DLGAP2: variants seen among roughly 807,000 people sequenced by gnomAD.
DLGAP2 encodes disks large-associated protein 2.
A neutral mutation model predicts 100.3 loss-of-function variants in DLGAP2; 26 were observed. The observed-to-expected ratio is 0.26, with a 90% confidence interval of 0.19 to 0.36. The LOEUF (loss-of-function observed/expected upper bound fraction) is 0.36. Ranked by LOEUF, DLGAP2 falls within the 10% of genes least tolerant of loss-of-function variation. The probability of loss-of-function intolerance (pLI) is 1.00; values close to 1 mark genes in which losing one functional copy is unlikely to be tolerated. For missense variants in DLGAP2, 1,858 were observed against 1,453.2 expected (o/e 1.28, Z -4.53); for synonymous variants, 886 against 630.1 (o/e 1.41, Z -6.08).
At chr8:984,751 A>G (rs2129015182) in intron 2 of DLGAP2, among the ~76,000 whole-genome samples, 1 of 152,286 alleles carries the variant, frequency 6.6e-6, no homozygotes, top group South Asian at 2.1e-4. Flanking sequence ...TACATTTTTA[A>G]TTATTTAGAA....
intron 2 of DLGAP2, among the ~76,000 whole-genome samples, chr8:1,244,941 G>A (rs905098115): frequency 6.6e-6 from 1 of 152,232 alleles, no homozygotes; most frequent in African/African-American, 2.4e-5. Flanking sequence ...AGCCGAGAAA[G>A]GGATGGGCAG....
chr8:1,106,269 T>C (rs2129044775), intron 2 of DLGAP2, among the ~76,000 whole-genome samples: 2 of 150,546 alleles, frequency 1.3e-5, no homozygotes, highest in South Asian at 4.2e-4. Flanking sequence ...GAGGGCATTC[T>C]AGGAGGGTTT....
At chr8:1,502,978 C>T (rs1799775688) in intron 4 of DLGAP2, among the ~76,000 whole-genome samples, 1 of 152,116 alleles carries the variant, frequency 6.6e-6, no homozygotes, top group African/African-American at 2.4e-5. Flanking sequence ...GTGCAGGAGT[C>T]ACTCTGGGGA....
intron 2 of DLGAP2, among the ~76,000 whole-genome samples, chr8:1,080,109 T>C (rs1803753114): frequency 6.6e-6 from 1 of 152,216 alleles, no homozygotes; most frequent in South Asian, 2.1e-4. Flanking sequence ...CTCCCAGCCA[T>C]GTGGCCGTGC....
intron 4 of DLGAP2, among the ~76,000 whole-genome samples, chr8:1,510,425 G>A (rs75670453): frequency 0.027 from 4,052 of 152,292 alleles, 67 homozygotes; most frequent in Middle Eastern, 0.034. Flanking sequence ...GCTGAGAAAC[G>A]TCATCAGTTT....
chr8:1,096,077 G>A (rs571090107), intron 2 of DLGAP2, among the ~76,000 whole-genome samples: 53 of 152,330 alleles, frequency 3.5e-4, no homozygotes, highest in Admixed American at 8.5e-4. Flanking sequence ...GTTCAGAGAT[G>A]ACGTTGCCCT....
chr8:1,165,175 A>C (rs1320074994), intron 2 of DLGAP2, among the ~76,000 whole-genome samples: 23 of 33,688 alleles, frequency 6.8e-4, no homozygotes, highest in African/African-American at 2.6e-3. Flanking sequence ...ACAGAGAGAG[A>C]GGGAGGGTGG....
chr8:1,212,295 C>G (rs1431271789), intron 2 of DLGAP2, among the ~76,000 whole-genome samples: 1 of 152,202 alleles, frequency 6.6e-6, no homozygotes, highest in Non-Finnish European at 1.5e-5. Flanking sequence ...GCTTTCAGTT[C>G]TAAGGGAAGA....
At chr8:1,552,825 A>AT (rs1245535799) in intron 5 of DLGAP2, among the ~76,000 whole-genome samples, 6 of 152,118 alleles carry the variant, frequency 3.9e-5, no homozygotes, top group Non-Finnish European at 5.9e-5. Context: ...TTAGAGGAAG[A>AT]TTTTTTTCTT....
chr8:1,429,235 T>G (rs956533883), intron 3 of DLGAP2, among the ~76,000 whole-genome samples: 8 of 152,186 alleles, frequency 5.3e-5, no homozygotes, highest in African/African-American at 1.9e-4. Flanking sequence ...GAATTCCTAC[T>G]TAGGGTTCAG....
chr8:1,009,544 G>A (rs946120406), intron 2 of DLGAP2, among the ~76,000 whole-genome samples: 2 of 152,198 alleles, frequency 1.3e-5, no homozygotes, highest in African/African-American at 4.8e-5. Flanking sequence ...AGCTTTACAC[G>A]TGGGAATTTT....
At chr8:1,554,465 C>T (rs1801889083) in intron 5 of DLGAP2, among the ~76,000 whole-genome samples, 2 of 152,110 alleles carry the variant, frequency 1.3e-5, no homozygotes, top group Admixed American at 1.3e-4. Flanking sequence ...GCCACAGGCC[C>T]ACCTCCACAT....
chr8:1,082,335 G>A (rs1469328775), intron 2 of DLGAP2, among the ~76,000 whole-genome samples: 1 of 152,110 alleles, frequency 6.6e-6, no homozygotes, highest in African/African-American at 2.4e-5. Context: ...TTACCCCGTT[G>A]AGTCTTCCCA....
At chr8:1,060,383 C>T (rs925343307) in intron 2 of DLGAP2, among the ~76,000 whole-genome samples, 1 of 81,122 alleles carries the variant, frequency 1.2e-5, no homozygotes, top group African/African-American at 3.4e-5. Context: ...GGCGGGCTCC[C>T]TCTGGAGGCC....
chr8:1,308,989 G>T (rs141446087), intron 3 of DLGAP2, among the ~76,000 whole-genome samples: 528 of 152,238 alleles, frequency 3.5e-3, no homozygotes, highest in Middle Eastern at 0.01. Context: ...AGGTTCAGCA[G>T]CAGATTTGAG....
At chr8:1,022,716 A>C (rs11989646) in intron 2 of DLGAP2, among the ~76,000 whole-genome samples, 4 of 141,306 alleles carry the variant, frequency 2.8e-5, no homozygotes, top group African/African-American at 1.1e-4. Flanking sequence ...GGGGGTGGAC[A>C]GTACCGTGCC....
intron 2 of DLGAP2, among the ~76,000 whole-genome samples, chr8:1,180,096 C>G (rs1797347037): frequency 6.6e-6 from 1 of 152,196 alleles, no homozygotes; most frequent in African/African-American, 2.4e-5. Flanking sequence ...CCATAACATT[C>G]AATAAATAAG....
At chr8:1,600,082 C>A (rs1442195179) in intron 6 of DLGAP2, among the ~76,000 whole-genome samples, 2 of 152,110 alleles carry the variant, frequency 1.3e-5, no homozygotes, top group African/African-American at 4.8e-5. Context: ...GATAATATCT[C>A]CCAGCATTTG....
At chr8:758,618 G>C (rs971691671) in intron 1 of DLGAP2, among the ~76,000 whole-genome samples, 9 of 152,106 alleles carry the variant, frequency 5.9e-5, no homozygotes, top group African/African-American at 2.2e-4. Context: ...CTGGAGTGCA[G>C]TGGTGCAGTC....
Sources: gnomAD v4.1 joint callset for allele counts (sites outside exome capture counted in the v4.1 genomes callset) on GRCh38, gnomAD v4.1.1 for gene constraint, MANE v1.5 for transcripts, NCBI Gene and HGNC (gene_info 2026-07-23, HGNC 2026-07-21) for gene names.